The following PPM1A variants were observed in gnomAD, a reference collection of about 807,000 sequenced individuals.
PPM1A encodes the protein protein phosphatase 1A.
A neutral mutation model predicts 35.0 loss-of-function variants in PPM1A; 7 were observed. The observed-to-expected ratio is 0.20, with a 90% CI of 0.11 to 0.38. The LOEUF (loss-of-function observed/expected upper bound fraction) is 0.38, where lower values mean the gene tolerates loss of function less well. PPM1A is among the 10% of genes least tolerant of loss of function. The pLI is 1.00. For synonymous variants in PPM1A, 153 were observed against 167.3 expected (o/e 0.91, Z 0.66); for missense variants, 239 against 467.8 (o/e 0.51, Z 4.51).
intron 1 of PPM1A, among the ~76,000 whole-genome samples, chr14:60,279,875 G>T (rs186207086): frequency 2.0e-5 from 3 of 152,114 alleles, no homozygotes; most frequent in African/African-American, 7.2e-5. Context: ...AGAAAAAATG[G>T]TGTAAAAATT....
chr14:60,259,625 T>C (rs1725099897), intron 1 of PPM1A, among the ~76,000 whole-genome samples: 1 of 152,082 alleles, frequency 6.6e-6, no homozygotes, highest in South Asian at 2.1e-4. Flanking sequence ...ATAAGACAAG[T>C]TATCCAAAAC....
rs752906418 is a variant in PPM1A, at chr14:60,289,781, C to CA, written c.953-18dup. ...TTCAATTAAATTTGGATAACACTTA[C>CA]AAAAAAAGTACTTCTGATTCCCAGA... is the stretch of plus-strand genomic sequence containing the variant. On this transcript the variant is annotated intron_variant, in intron 3 of 5. Coordinates refer to ENST00000395076, the MANE Select transcript of PPM1A (RefSeq NM_021003.5). The surrounding 1 kb of genome is among the most constrained non-coding windows in gnomAD (Gnocchi z 4.1). 2 of 1,513,078 alleles carry CA rather than the reference C, an allele frequency of 1.3e-6. No homozygotes were observed. The highest frequency in any genetic ancestry group is 1.8e-6 in the Non-Finnish European group (2 of 1,096,630). The allele number at this position is 1,513,078 out of a possible 1,614,324, so 93.7% of individuals were successfully genotyped here.
At chr14:60,253,450 G>T (rs1220079625) in intron 1 of PPM1A, among the ~76,000 whole-genome samples, 1 of 152,022 alleles carries the variant, frequency 6.6e-6, no homozygotes, top group African/African-American at 2.4e-5. Context: ...ATCAGATCTG[G>T]GTAGATATAA....
chr14:60,291,750 GTTT>G (rs77512505), intron 5 of PPM1A, among the ~76,000 whole-genome samples: 1 of 128,794 alleles, frequency 7.8e-6, no homozygotes, highest in Non-Finnish European at 1.7e-5. Flanking sequence ...CCACTACATG[GTTT>G]TTTTTTTTTT....
At position 60,286,428 on chromosome 14, in the gene PPM1A, A is replaced by G. The variant is rs964140901; in HGVS notation, c.952+687A>G. 11 of 984,790 alleles carry G rather than the reference A, an allele frequency of 1.1e-5. No homozygotes were observed. In the Admixed American group the frequency reaches 1.8e-4, roughly 17 times the overall value. 61.0% of individuals were successfully genotyped at this position (984,790 alleles called of 1,614,324 possible). On this transcript the variant is annotated intron_variant, in intron 3 of 5. Coordinates refer to ENST00000395076, the MANE Select transcript of PPM1A (RefSeq NM_021003.5). ...TTCCAGTTTATTGCATATATGCAGT[A>G]AAGTGTATATATTATGCAGTTTCTC... is the stretch of plus-strand genomic sequence containing the variant.
rs1382549838 is a variant in PPM1A, at chr14:60,283,274, C to T, written c.571C>T (p.Leu191=). The T allele has an allele frequency of 6.2e-7, 1 of 1,614,204 alleles. No individual in the cohort carries two copies. Among genetic ancestry groups the T allele is most frequent in the Non-Finnish European group, 8.5e-7 (1 of 1,180,042 alleles). The change falls in exon 2 of 6, where the codon CTG becomes TTG. Residue 191 remains leucine (L), a synonymous_variant. Transcript: ENST00000395076. The surrounding 1 kb of genome is among the most constrained non-coding windows in gnomAD (Gnocchi z 6.3). ...SVMIQRVNGS[L]AVSRALGDFD... Reference sequence around the variant, plus strand: ...AATGATTCAGCGTGTGAATGGCTCTCTGGCTGTATCGAGGGCCCTTGGGGA... The same window carrying T: ...AATGATTCAGCGTGTGAATGGCTCTTTGGCTGTATCGAGGGCCCTTGGGGA...
chr14:60,258,902 C>T (rs1355292457), intron 1 of PPM1A, among the ~76,000 whole-genome samples: 1 of 152,030 alleles, frequency 6.6e-6, no homozygotes, highest in Non-Finnish European at 1.5e-5. Context: ...CAGATAAATG[C>T]TGCGATAAGG....
intron 1 of PPM1A, among the ~76,000 whole-genome samples, chr14:60,271,935 A>G (rs917520095): frequency 2.6e-5 from 4 of 152,126 alleles, no homozygotes; most frequent in Admixed American, 2.0e-4. Flanking sequence ...AAGGTTGCTT[A>G]TTTATTGATG....
intron 1 of PPM1A, among the ~76,000 whole-genome samples, chr14:60,280,629 T>C (rs1161254942): frequency 2.0e-5 from 3 of 152,214 alleles, no homozygotes; most frequent in Admixed American, 6.5e-5. Context: ...GATAGTGGTC[T>C]TGTAACCTAG....
At chr14:60,247,489 G>A (rs1453416036), upstream of PPM1A, among the ~76,000 whole-genome samples, 2 of 151,814 alleles carry the variant, frequency 1.3e-5, no homozygotes, top group African/African-American at 4.8e-5. Flanking sequence ...AATTAGCCAG[G>A]CGTGGTGGCA....
At chr14:60,258,389 T>A (rs1348078374) in intron 1 of PPM1A, among the ~76,000 whole-genome samples, 2 of 151,910 alleles carry the variant, frequency 1.3e-5, no homozygotes. Context: ...GAATGTTGAA[T>A]GAATGAGCAG....
At position 60,297,726 on chromosome 14, in the gene PPM1A, A is replaced by G. The variant is rs1286087748; in HGVS notation, c.*5244A>G. On this transcript the variant is annotated 3_prime_UTR_variant, in exon 6 of 6. Coordinates refer to ENST00000395076, the MANE Select transcript of PPM1A (RefSeq NM_021003.5). ...GCGGAACAAAATTAGTTATATCCTAATTAGGTACAGTGAATGACACAAAAT... is the reference window on the plus strand; with the variant it reads ...GCGGAACAAAATTAGTTATATCCTAGTTAGGTACAGTGAATGACACAAAAT... 1 of 151,726 alleles carries G rather than the reference A, an allele frequency of 6.6e-6. No homozygotes were observed. The highest frequency in any genetic ancestry group is 1.5e-5 in the Non-Finnish European group (1 of 67,686). The allele number at this position is 151,726 out of a possible 1,614,324, so 9.4% of individuals were successfully genotyped here. A position where few individuals can be genotyped will look rare whatever the true frequency, so the allele number is the denominator to read the frequency against.
intron 1 of PPM1A, among the ~76,000 whole-genome samples, chr14:60,270,865 C>G (rs1413003832): frequency 6.6e-6 from 1 of 152,154 alleles, no homozygotes; most frequent in Admixed American, 6.5e-5. Context: ...ACATTTTCAT[C>G]TTTACAAGTT....
intron 2 of PPM1A, 123 bp from the exon 3 acceptor site, chr14:60,285,501 T>TC: frequency 9.5e-7 from 1 of 1,048,248 alleles, no homozygotes; most frequent in Non-Finnish European, 1.4e-6. Context: ...TGTATTTTTT[T>TC]CTCCCTGAAA....
intron 1 of PPM1A, among the ~76,000 whole-genome samples, chr14:60,259,143 A>C (rs1036853933): frequency 6.6e-6 from 1 of 152,138 alleles, no homozygotes; most frequent in African/African-American, 2.4e-5. Context: ...CATACACAAA[A>C]AAATTGCATG....
intron 1 of PPM1A, among the ~76,000 whole-genome samples, chr14:60,259,359 T>C (rs916879507): frequency 1.3e-5 from 2 of 152,216 alleles, no homozygotes; most frequent in Middle Eastern, 3.4e-3. Flanking sequence ...TTCCTTTCTT[T>C]CAACTTAAGT....
At chr14:60,262,333 A>G (rs1170754982) in intron 1 of PPM1A, among the ~76,000 whole-genome samples, 3 of 152,164 alleles carry the variant, frequency 2.0e-5, no homozygotes, top group African/African-American at 7.2e-5. Context: ...TTAAACATAG[A>G]AGTCTGTGAA....
chr14:60,264,466 G>C (rs1389599846), intron 1 of PPM1A, among the ~76,000 whole-genome samples: 1 of 152,044 alleles, frequency 6.6e-6, no homozygotes, highest in East Asian at 1.9e-4. Flanking sequence ...AAGTTTTAAA[G>C]CACTTAGAAC....
chr14:60,265,981 A>G (rs192108955), intron 1 of PPM1A, among the ~76,000 whole-genome samples: 4 of 152,316 alleles, frequency 2.6e-5, no homozygotes, highest in East Asian at 1.9e-4. Context: ...TTTAAAATCA[A>G]TGTATATCCT....
Sources: gnomAD v4.1 joint callset for allele counts (sites outside exome capture counted in the v4.1 genomes callset) on GRCh38, gnomAD v4.1.1 for gene constraint, Gnocchi (gnomAD v3.1) non-coding constraint, MANE v1.5 for transcripts, NCBI Gene and HGNC (gene_info 2026-07-23, HGNC 2026-07-21) for gene names.